ELMOD1: variants seen among roughly 807,000 people sequenced by gnomAD.
ELMOD1 encodes the protein ELMO domain-containing protein 1.
ELMOD1 carries 21 observed loss-of-function variants against 46.7 expected under a neutral mutation model. The observed-to-expected ratio is 0.45, with a 90% confidence interval of 0.32 to 0.65. ELMOD1 has a LOEUF of 0.65. Ranked by LOEUF, ELMOD1 falls within the 30% of genes least tolerant of loss-of-function variation. The pLI is 0.04. For missense variants in ELMOD1, 348 were observed against 407.8 expected (o/e 0.85, Z 1.26); for synonymous variants, 122 against 138.2 (o/e 0.88, Z 0.82).
chr11:107,643,658 C>CAGAA, intron 6 of ELMOD1: 1 of 531,568 alleles, frequency 1.9e-6, no homozygotes, highest in East Asian at 5.5e-5. Flanking sequence ...TAGCTCAAGG[C>CAGAA]AGAATTACCT....
chr11:107,600,264 C>A (rs1227979126), intron 1 of ELMOD1: 1 of 149,548 alleles, frequency 6.7e-6, no homozygotes, highest in Non-Finnish European at 1.5e-5. Context: ...AAAATATACC[C>A]CTGGAAAAAA....
chr11:107,599,766 A>AAAAG (rs1470753835), intron 1 of ELMOD1, among the ~76,000 whole-genome samples: 73 of 133,734 alleles, frequency 5.5e-4, no homozygotes, highest in African/African-American at 1.5e-3. Context: ...AAAAGAAAAG[A>AAAAG]AAAAAAAAAA....
intron 1 of ELMOD1, among the ~76,000 whole-genome samples, chr11:107,599,792 A>T (rs912272380): frequency 6.6e-6 from 1 of 151,142 alleles, no homozygotes; most frequent in Non-Finnish European, 1.5e-5. Context: ...GTATCCTAAC[A>T]GCATACTGGG....
intron 1 of ELMOD1, among the ~76,000 whole-genome samples, chr11:107,611,045 A>G (rs1461159711): frequency 6.6e-6 from 1 of 151,624 alleles, no homozygotes. Context: ...CATTCTGGAT[A>G]TCAGCCTTGG....
intron 6 of ELMOD1, among the ~76,000 whole-genome samples, chr11:107,642,658 C>G (rs1364837266): frequency 6.6e-6 from 1 of 152,174 alleles, no homozygotes; most frequent in Non-Finnish European, 1.5e-5. Context: ...AGCCACCGCG[C>G]CCAGCAATAC....
rs185007479 is a variant in ELMOD1, at chr11:107,654,596, C to T, written c.698+374C>T. On this transcript the variant is annotated intron_variant, in intron 10 of 11. Transcript: ENST00000265840. The stretch of plus-strand genomic sequence containing the variant: ...CATCCTGGCTAACACGGTGAAACCC[C>T]GTCTCTACTAAAAATACAAAAAATT... 8.4e-3 allele frequency among the ~76,000 whole-genome samples: 1,269 copies of T among 151,308 alleles called. 16 individuals are homozygous for T. The highest frequency in any genetic ancestry group is 0.029 in the African/African-American group (1,190 of 41,294).
At chr11:107,591,688 C>G in intron 1 of ELMOD1, 1 of 365,250 alleles carries the variant, frequency 2.7e-6, no homozygotes, top group Non-Finnish European at 5.7e-6. Flanking sequence ...GTTTGCATCT[C>G]GGCCCGGGCG....
At position 107,607,656 on chromosome 11, in the gene ELMOD1, A is replaced by AAAAC. The variant is rs57709612; in HGVS notation, c.-85-10422_-85-10419dup. ...TGGGCGCCAGAGTGAGAACCTGTCT[A>AAAAC]AAACAAACAAACAAACAAACAAACA... On this transcript the variant is annotated intron_variant, in intron 1 of 11. Coordinates refer to ENST00000265840, the MANE Select transcript of ELMOD1 (RefSeq NM_018712.4). 6.0e-3 allele frequency among the ~76,000 whole-genome samples: 906 copies of AAAAC among 151,694 alleles called. 10 individuals are homozygous for AAAAC. The highest frequency in any genetic ancestry group is 0.022 in the South Asian group (106 of 4,792).
chr11:107,654,072 C>A, intron 9 of ELMOD1, 100 bp from the exon 10 acceptor site: 1 of 945,426 alleles, frequency 1.1e-6, no homozygotes, highest in Non-Finnish European at 1.6e-6. Context: ...CTACAGACAT[C>A]TCTGCATATA....
intron 1 of ELMOD1, among the ~76,000 whole-genome samples, chr11:107,606,786 T>C (rs985205489): frequency 2.0e-5 from 3 of 151,946 alleles, no homozygotes; most frequent in Non-Finnish European, 4.4e-5. Flanking sequence ...ACCGCTGCAC[T>C]CCAGCCTGGG....
intron 11 of ELMOD1, 99 bp from the exon 12 acceptor site, chr11:107,664,926 G>A: frequency 9.1e-7 from 1 of 1,101,234 alleles, no homozygotes; most frequent in South Asian, 1.5e-5. Context: ...CGGTTGCTGT[G>A]GCTTGGTTCA....
intron 1 of ELMOD1, chr11:107,592,466 G>T (rs752659995): frequency 1.9e-6 from 1 of 533,734 alleles, no homozygotes. Context: ...CTTGACAACC[G>T]TCCTTAACTG....
chr11:107,620,828 C>T (rs769446624), intron 2 of ELMOD1, among the ~76,000 whole-genome samples: 14 of 152,282 alleles, frequency 9.2e-5, no homozygotes, highest in South Asian at 2.1e-4. Context: ...AATGCCACTG[C>T]ATTCCAGCCT....
chr11:107,648,597 T>C (rs373054555), intron 7 of ELMOD1, among the ~76,000 whole-genome samples: 96 of 152,364 alleles, frequency 6.3e-4, no homozygotes, highest in African/African-American at 2.2e-3. Flanking sequence ...TCTATTTCTG[T>C]TATTTTTCCT....
intron 2 of ELMOD1, among the ~76,000 whole-genome samples, chr11:107,628,742 A>C (rs1866087452): frequency 6.6e-6 from 1 of 151,628 alleles, no homozygotes; most frequent in Admixed American, 6.6e-5. Flanking sequence ...CATTTTATAC[A>C]TCATAATTTT....
At position 107,642,516 on chromosome 11, in the gene ELMOD1, C is replaced by T. The variant is rs943325062; in HGVS notation, c.421-4952C>T. Among the ~76,000 whole-genome samples the T allele has an allele frequency of 4.0e-5, 6 of 151,880 alleles. No individual in the cohort carries two copies. The East Asian group carries it at 5.8e-4, about 15-fold the overall frequency. ...CCAAGTAGCTGGGATTACAGGCACC[C>T]GCCACCACACCCAGCTAATTTTTTT... On this transcript the variant is annotated intron_variant, in intron 6 of 11. Transcript: ENST00000265840.
At position 107,630,467 on chromosome 11, in the gene ELMOD1, G is replaced by A; in HGVS notation, c.68G>A (p.Cys23Tyr). Residue 23 changes from cysteine to tyrosine, a missense_variant, in exon 3 of 12, where the codon TGC (cysteine) becomes TAC (tyrosine). Cys to Tyr is a radical substitution (Grantham distance 194). Coordinates refer to ENST00000265840, the MANE Select transcript of ELMOD1 (RefSeq NM_018712.4). ...TTTTACTGTAAATTTCTGTGGCGCTGCCTGAAATTTGTAATGAGGAAGCTA... is the reference window on the plus strand; with the variant it reads ...TTTTACTGTAAATTTCTGTGGCGCTACCTGAAATTTGTAATGAGGAAGCTA... The part of the protein sequence containing the change: ...LYFYCKFLWR[C>Y]LKFVMRKLTG... 1 of 1,606,218 alleles carries A rather than the reference G, an allele frequency of 6.2e-7. No homozygotes were observed.
intron 1 of ELMOD1, among the ~76,000 whole-genome samples, chr11:107,617,697 T>A (rs1865885279): frequency 1.3e-5 from 2 of 152,202 alleles, no homozygotes; most frequent in Admixed American, 1.3e-4. Context: ...CCAGTTATTT[T>A]TGAGTTGTAC....
chr11:107,643,136 G>A lies in ELMOD1; in HGVS notation c.421-4332G>A, dbSNP rs373549410. 43 of 183,590 alleles carry A rather than the reference G, an allele frequency of 2.3e-4. 1 individual carries two copies. The East Asian group carries it at 3.6e-3, about 15-fold the overall frequency. The allele number at this position is 183,590 out of a possible 1,614,324, so 11.4% of individuals were successfully genotyped here. ...ACCAGCAGATCACTTGAGGTCAGGA[G>A]TTCGAGACCAGCCTGGCCAACATGG... On this transcript the variant is annotated intron_variant, in intron 6 of 11. Transcript: ENST00000265840.
Sources: allele counts gnomAD v4.1 joint callset (sites outside exome capture counted in the v4.1 genomes callset), GRCh38; gene constraint gnomAD v4.1.1; transcripts MANE v1.5; gene names NCBI Gene and HGNC (gene_info 2026-07-23, HGNC 2026-07-21).